LRRC4C: variants seen among roughly 807,000 people sequenced by gnomAD.
LRRC4C encodes leucine-rich repeat-containing protein 4C.
LRRC4C carries 5 observed loss-of-function variants against 33.6 expected under a neutral mutation model. The observed-to-expected ratio is 0.15, with a 90% confidence interval of 0.08 to 0.31. The LOEUF (loss-of-function observed/expected upper bound fraction) is 0.31, where lower values mean the gene tolerates loss of function less well. LRRC4C is among the 10% of genes least tolerant of loss of function. The pLI is 1.00. For synonymous variants in LRRC4C, 329 were observed against 302.0 expected (o/e 1.09, Z -0.93); for missense variants, 560 against 796.7 (o/e 0.70, Z 3.58).
chr11:40,672,465 T>A (rs1944177053), intron 2 of LRRC4C, among the ~76,000 whole-genome samples: 2 of 152,188 alleles, frequency 1.3e-5, no homozygotes, highest in African/African-American at 4.8e-5. Context: ...ACAGCTAGTA[T>A]TATACTTTAC....
intron 2 of LRRC4C, among the ~76,000 whole-genome samples, chr11:40,828,620 C>G (rs1952270458): frequency 6.6e-6 from 1 of 151,806 alleles, no homozygotes. Context: ...ATATTTTAAA[C>G]TCAGAAAACT....
chr11:40,364,610 AG>A (rs1192881431), intron 3 of LRRC4C, among the ~76,000 whole-genome samples: 3 of 152,128 alleles, frequency 2.0e-5, no homozygotes, highest in African/African-American at 7.2e-5. Flanking sequence ...TATATATGTA[AG>A]GATGTCTCAG....
intron 3 of LRRC4C, among the ~76,000 whole-genome samples, chr11:40,406,380 G>A (rs1209555460): frequency 1.3e-5 from 2 of 152,026 alleles, no homozygotes. Context: ...AAAGCACAAA[G>A]CATGTTATTT....
chr11:41,117,537 G>C (rs934270938), intron 1 of LRRC4C, among the ~76,000 whole-genome samples: 1 of 152,056 alleles, frequency 6.6e-6, no homozygotes, highest in South Asian at 2.1e-4. Flanking sequence ...AAAGAGCATT[G>C]TTTTGTAAGA....
intron 3 of LRRC4C, among the ~76,000 whole-genome samples, chr11:40,468,902 T>C (rs1952785914): frequency 6.6e-6 from 1 of 152,210 alleles, no homozygotes; most frequent in African/African-American, 2.4e-5. Flanking sequence ...CTAAAAAAAG[T>C]AATATTATTT....
In LRRC4C at chr11:40,692,487, A is replaced by G. The variant is rs116808987; in HGVS notation, c.-406-44209T>C. 3.5e-3 allele frequency among the ~76,000 whole-genome samples: 528 copies of G among 152,230 alleles called. 4 individuals carry two copies. Among genetic ancestry groups the G allele is most frequent in the African/African-American group, 0.012 (506 of 41,552 alleles). ...GGGCACAGTTCAAAGAACTTAAAAT[A>G]TGAATATTTTAACAATGCAGAAGTG... On this transcript the variant is annotated intron_variant, in intron 2 of 6. Transcript: ENST00000528697.
At chr11:40,889,060 T>C (rs1337499793) in intron 2 of LRRC4C, among the ~76,000 whole-genome samples, 1 of 152,046 alleles carries the variant, frequency 6.6e-6, no homozygotes, top group South Asian at 2.1e-4. Context: ...GTGTACCATA[T>C]AACCCAGCTA....
chr11:41,113,506 C>CA (rs1161774721), intron 1 of LRRC4C, among the ~76,000 whole-genome samples: 2 of 151,892 alleles, frequency 1.3e-5, no homozygotes, highest in African/African-American at 2.4e-5. Context: ...CAGCAATTCA[C>CA]AAAAAATAAA....
intron 3 of LRRC4C, among the ~76,000 whole-genome samples, chr11:40,468,600 G>T (rs1952770435): frequency 1.3e-5 from 2 of 152,084 alleles, no homozygotes; most frequent in African/African-American, 4.8e-5. Flanking sequence ...AAAGGCGTGT[G>T]TGTGAGTGTG....
chr11:40,323,466 C>G (rs1172857130), intron 3 of LRRC4C, among the ~76,000 whole-genome samples: 1 of 152,184 alleles, frequency 6.6e-6, no homozygotes, highest in Non-Finnish European at 1.5e-5. Flanking sequence ...TTCATAGTTT[C>G]ATAAACAGCT....
At chr11:40,865,039 A>G (rs1047909466) in intron 2 of LRRC4C, among the ~76,000 whole-genome samples, 3 of 152,194 alleles carry the variant, frequency 2.0e-5, no homozygotes, top group African/African-American at 7.2e-5. Context: ...TGTCTCGGCT[A>G]TTGTGACTAG....
intron 4 of LRRC4C, among the ~76,000 whole-genome samples, chr11:40,262,955 A>G (rs1251138011): frequency 6.6e-6 from 1 of 151,664 alleles, no homozygotes; most frequent in Non-Finnish European, 1.5e-5. Context: ...CATTCTGCCC[A>G]TGTATCCTAG....
intron 1 of LRRC4C, among the ~76,000 whole-genome samples, chr11:40,981,701 A>G (rs1025308710): frequency 2.6e-5 from 4 of 152,354 alleles, no homozygotes; most frequent in Admixed American, 6.5e-5. Flanking sequence ...CCTTAAAACT[A>G]TGGTGATGAC....
At chr11:41,316,262 C>CAA (rs60671406) in intron 1 of LRRC4C, among the ~76,000 whole-genome samples, 32,106 of 77,476 alleles carry the variant, frequency 0.41, 6,871 homozygotes, top group Non-Finnish European at 0.48. Context: ...CTCTGGATGG[C>CAA]AAAAAAAAAA....
chr11:40,415,643 G>A (rs150047941), intron 3 of LRRC4C, among the ~76,000 whole-genome samples: 15 of 152,258 alleles, frequency 9.9e-5, no homozygotes, highest in Non-Finnish European at 1.6e-4. Flanking sequence ...AAAGAAATAT[G>A]AATAACTGAG....
At chr11:40,983,267 C>A (rs1592254980) in intron 1 of LRRC4C, among the ~76,000 whole-genome samples, 1 of 152,186 alleles carries the variant, frequency 6.6e-6, no homozygotes, top group East Asian at 1.9e-4. Flanking sequence ...AATGGTTGAA[C>A]TAATTTACGC....
At chr11:40,787,408 A>C (rs1231282743) in intron 2 of LRRC4C, among the ~76,000 whole-genome samples, 1 of 152,120 alleles carries the variant, frequency 6.6e-6, no homozygotes, top group Non-Finnish European at 1.5e-5. Flanking sequence ...GACAAGTGAG[A>C]GGCCTCTATG....
chr11:40,964,743 G>A (rs1263948359), intron 1 of LRRC4C, among the ~76,000 whole-genome samples: 1 of 151,760 alleles, frequency 6.6e-6, no homozygotes, highest in East Asian at 1.9e-4. Context: ...GTGTATATGT[G>A]CCACATTTTC....
intron 1 of LRRC4C, among the ~76,000 whole-genome samples, chr11:40,954,058 C>T (rs1210523429): frequency 6.6e-6 from 1 of 151,836 alleles, no homozygotes; most frequent in East Asian, 1.9e-4. Flanking sequence ...TTCATGTTCC[C>T]TATTCATACA....
Sources: gnomAD v4.1 joint callset for allele counts (sites outside exome capture counted in the v4.1 genomes callset) on GRCh38, gnomAD v4.1.1 for gene constraint, MANE v1.5 for transcripts, NCBI Gene and HGNC (gene_info 2026-07-23, HGNC 2026-07-21) for gene names.